Variants in IQSEC2 observed in about 807,000 individuals in gnomAD.
The protein encoded by IQSEC2 is IQ motif and Sec7 domain ArfGEF 2.
In IQSEC2, 6 loss-of-function variants were observed where a neutral mutation model predicts 74.6. The observed-to-expected ratio is 0.08, with a 90% CI of 0.04 to 0.16. The LOEUF (loss-of-function observed/expected upper bound fraction) is 0.16, where lower values mean the gene tolerates loss of function less well. Among genes scored for constraint, IQSEC2 ranks in the 10% least tolerant of loss-of-function variants. The pLI, the probability that IQSEC2 is intolerant of heterozygous loss-of-function variation, is 1.00. For synonymous variants in IQSEC2, 494 were observed against 544.5 expected (o/e 0.91, Z 1.29); for missense variants, 734 against 1,306.2 (o/e 0.56, Z 6.75).
In IQSEC2 at chrX:53,320,611, G is replaced by C; in HGVS notation, c.513C>G (p.Gly171=). 9 of 1,149,873 alleles carry C rather than the reference G, an allele frequency of 7.8e-6. No individual in the cohort carries two copies. The highest frequency in any genetic ancestry group is 1.0e-5 in the Non-Finnish European group (9 of 866,130). 94.8% of individuals were successfully genotyped at this position (1,149,873 alleles called of 1,213,427 possible). The stretch of plus-strand genomic sequence containing the variant: ...GGTGCGCCGGCCCGGCCTCCCGCCC[G>C]CCACGCTCGCGACCCAGGGCTGGGT... ...HENPALGRER[G]GREAGPAHPG... The change falls in exon 1 of 15, where the codon GGC becomes GGG. Residue 171 remains glycine, a synonymous_variant. Coordinates refer to ENST00000642864, the MANE Select transcript of IQSEC2 (RefSeq NM_001111125.3).
rs1458984502 is a variant in IQSEC2 at position 53,248,062 on chromosome X, G to A, written c.2582+52C>T. On this transcript the variant is annotated intron_variant, in intron 7 of 14. Transcript: ENST00000642864. ...GAAGTGACTTATAAACACATACTAC[G>A]TCGATGCCCACAGGAGGGAGGGGCA... 23 of 1,196,548 alleles carry A rather than the reference G, an allele frequency of 1.9e-5. No individual in the cohort carries two copies. In the Admixed American group the frequency reaches 4.2e-4, roughly 22 times the overall value.
intron 1 of IQSEC2, among the ~76,000 whole-genome samples, chrX:53,293,662 C>A (rs879996038): frequency 9.0e-6 from 1 of 110,888 alleles, no homozygotes; most frequent in Admixed American, 9.6e-5. Context: ...TCTTCACCAC[C>A]CACCTACCCC....
chrX:53,236,457 C>T lies in IQSEC2; in HGVS notation c.3316G>A (p.Ala1106Thr), dbSNP rs2074131912. The T allele has an allele frequency of 4.2e-6, 5 of 1,200,963 alleles. No homozygotes were observed. Among genetic ancestry groups the T allele is most frequent in the Middle Eastern group, 2.3e-4 (1 of 4,342 alleles). The part of the protein sequence containing the change: ...EKQKGMMRPN[A>T]SQPGGAKDSV... ...TCCTTGGCCCCTCCAGGCTGTGAGGCGTTAGGCCGCATCATACCTTTCTGC... is the reference window on the plus strand; with the variant it reads ...TCCTTGGCCCCTCCAGGCTGTGAGGTGTTAGGCCGCATCATACCTTTCTGC... Residue 1106 changes from alanine to threonine, a missense_variant, in exon 13 of 15, where the codon GCC (alanine) becomes ACC (threonine). Physicochemically the swap from Ala to Thr is moderately conservative, Grantham distance 58. Coordinates refer to ENST00000642864, the MANE Select transcript of IQSEC2 (RefSeq NM_001111125.3).
Position 53,251,107 on chromosome X carries a change from T to A in IQSEC2, c.1469A>T (p.Glu490Val), listed in dbSNP as rs782279475. 8.3e-7 allele frequency: 1 copy of A among 1,211,649 alleles called. No individual in the cohort carries two copies. Among genetic ancestry groups the A allele is most frequent in the East Asian group, 3.0e-5 (1 of 33,834 alleles). The change falls in exon 5 of 15, where the codon GAG becomes GTG. Residue 490 changes from glutamate to valine, a missense_variant. Transcript: ENST00000642864. Reference sequence around the variant, plus strand: ...CTTCTCCAGCTGGGCTGACCCTGGCTCCTCAGACATGGGCCCTGACGGGTG... The same window carrying A: ...CTTCTCCAGCTGGGCTGACCCTGGCACCTCAGACATGGGCCCTGACGGGTG... ...NCHPSGPMSEEPGSAQLEKRE... is the reference protein window; with the variant it reads ...NCHPSGPMSEVPGSAQLEKRE...
chrX:53,263,244 G>T (rs782032996), intron 2 of IQSEC2, among the ~76,000 whole-genome samples: 2 of 111,974 alleles, frequency 1.8e-5, no homozygotes, highest in Admixed American at 1.9e-4. Flanking sequence ...CTGACCTCAA[G>T]AGCGATGACT....
intron 14 of IQSEC2, 116 bp downstream of exon 14, chrX:53,235,667 A>G: frequency 3.9e-6 from 3 of 764,855 alleles, no homozygotes; most frequent in Non-Finnish European, 5.9e-6. Flanking sequence ...TGGGAGAGGC[A>G]GCCGCATGGT....
chrX:53,308,508 G>T (rs781813576), intron 1 of IQSEC2, among the ~76,000 whole-genome samples: 1 of 111,279 alleles, frequency 9.0e-6, no homozygotes, highest in East Asian at 2.8e-4. Context: ...GTACTGCCAG[G>T]TAATTTTTAT....
chrX:53,307,299 T>C (rs187935448), intron 1 of IQSEC2, among the ~76,000 whole-genome samples: 27 of 86,062 alleles, frequency 3.1e-4, no homozygotes, highest in Middle Eastern at 0.013. Context: ...TTCTTTCTTT[T>C]TTTTTTTTTT....
At chrX:53,280,841 G>T (rs1166171157) in intron 2 of IQSEC2, among the ~76,000 whole-genome samples, 2 of 112,020 alleles carry the variant, frequency 1.8e-5, no homozygotes, top group Non-Finnish European at 3.8e-5. Flanking sequence ...GCCAGAGCAA[G>T]CTGGGAGTGG....
chrX:53,279,451 C>A, intron 2 of IQSEC2: 1 of 478,097 alleles, frequency 2.1e-6, no homozygotes, highest in Non-Finnish European at 3.7e-6. Context: ...TACACTCGGA[C>A]ACCCATTCCA....
chrX:53,258,130 C>T (rs1193090417), intron 2 of IQSEC2, among the ~76,000 whole-genome samples: 1 of 111,712 alleles, frequency 9.0e-6, no homozygotes, highest in Non-Finnish European at 1.9e-5. Flanking sequence ...TCGTCTCCGC[C>T]ATCTGCAATC....
rs782080809 is a variant in IQSEC2 at position 53,248,697 on chromosome X, C to G, written c.2459+24G>C. On this transcript the variant is annotated intron_variant, in intron 6 of 14. Coordinates refer to ENST00000642864, the MANE Select transcript of IQSEC2 (RefSeq NM_001111125.3). ...CCTTTTCCAGGAATCCCTGGCCCAGCCTGCCCCATCCTGGGGTCCTCACTC... is the reference window on the plus strand; with the variant it reads ...CCTTTTCCAGGAATCCCTGGCCCAGGCTGCCCCATCCTGGGGTCCTCACTC... 9.1e-6 allele frequency: 11 copies of G among 1,205,779 alleles called. No homozygotes were observed. The Admixed American group carries it at 1.3e-4, about 14-fold the overall frequency.
At chrX:53,305,270 G>A (rs782139400) in intron 1 of IQSEC2, among the ~76,000 whole-genome samples, 8 of 110,677 alleles carry the variant, frequency 7.2e-5, no homozygotes, top group East Asian at 2.8e-4. Context: ...CTGGAGTGCC[G>A]TGGCATGATC....
At chrX:53,287,145 T>C (rs931110199) in intron 2 of IQSEC2, among the ~76,000 whole-genome samples, 25 of 110,486 alleles carry the variant, frequency 2.3e-4, no homozygotes, top group African/African-American at 7.9e-4. Flanking sequence ...GTTCTTAGAT[T>C]CTGTGAAATG....
chrX:53,258,288 T>C (rs1419652207), intron 2 of IQSEC2, among the ~76,000 whole-genome samples: 1 of 112,023 alleles, frequency 8.9e-6, no homozygotes, highest in African/African-American at 3.2e-5. Flanking sequence ...CTGCTTTTTA[T>C]GGCACAGGTT....
Position 53,235,786 on chromosome X carries a change from G to A in IQSEC2, c.3498C>T (p.Ile1166=). ...RNSVGSLDST[I]EGSVISSPRP... is the part of the protein sequence containing the mutation. ...TGGGGCAGGAGCTGGCACTTACTTC[G>A]ATGGTGCTGTCCAGCGATCCCACGC... The change falls in exon 14 of 15, where the codon ATC becomes ATT. Residue 1166 remains isoleucine, a synonymous_variant. Transcript: ENST00000642864. 6.9e-6 allele frequency: 8 copies of A among 1,166,719 alleles called. No homozygotes were observed. The South Asian group carries it at 9.5e-5, about 14-fold the overall frequency.
intron 1 of IQSEC2, among the ~76,000 whole-genome samples, chrX:53,314,995 G>A (rs782269081): frequency 1.5e-4 from 17 of 111,962 alleles, no homozygotes; most frequent in Non-Finnish European, 3.0e-4. Flanking sequence ...AGGCAGCGGT[G>A]TACCATAGGT....
intron 2 of IQSEC2, among the ~76,000 whole-genome samples, chrX:53,270,729 A>G (rs148183887): frequency 0.013 from 1,461 of 112,236 alleles, 27 homozygotes; most frequent in African/African-American, 0.046. Context: ...CCTGGCATTC[A>G]ATAAATATTC....
Position 53,235,032 on chromosome X carries a change from G to A in IQSEC2, c.3654C>T (p.Phe1218=). ...LFGSKRGKGP[F]QMPPPPTGQA... Reference sequence around the variant, plus strand: ...GGCCTGTTGGCGGTGGTGGCATCTGGAAGGGCCCCTTGCCCCGCTTGCTTC... The same window carrying A: ...GGCCTGTTGGCGGTGGTGGCATCTGAAAGGGCCCCTTGCCCCGCTTGCTTC... The change falls in exon 15 of 15, where the codon TTC becomes TTT. Residue 1218 remains phenylalanine (F), a synonymous_variant. Coordinates refer to ENST00000642864, the MANE Select transcript of IQSEC2 (RefSeq NM_001111125.3). 1 of 1,165,300 alleles carries A rather than the reference G, an allele frequency of 8.6e-7. No individual in the cohort carries two copies. The highest frequency in any genetic ancestry group is 1.1e-6 in the Non-Finnish European group (1 of 872,209).
Sources: allele counts gnomAD v4.1 joint callset (sites outside exome capture counted in the v4.1 genomes callset), GRCh38; gene constraint gnomAD v4.1.1; transcripts MANE v1.5; gene names NCBI Gene and HGNC (gene_info 2026-07-23, HGNC 2026-07-21).